Variants in ZNF680 observed in about 807,000 individuals in gnomAD.
The protein encoded by ZNF680 is zinc finger protein 680.
In ZNF680, 6 loss-of-function variants were observed where a neutral mutation model predicts 12.1. The ratio of observed to expected loss-of-function variants is 0.49; its 90% CI spans 0.27 to 0.98. The LOEUF is 0.98. ZNF680 is among the 50% of genes least tolerant of loss of function. The pLI, the probability that ZNF680 is intolerant of heterozygous loss-of-function variation, is 0.12. For missense variants in ZNF680, 561 were observed against 616.3 expected, an observed-to-expected ratio of 0.91 and a Z score of 0.95; for synonymous variants, 170 against 199.3, an observed-to-expected ratio of 0.85 and a Z score of 1.24.
intron 3 of ZNF680, chr7:64,526,262 G>T: frequency 8.8e-7 from 1 of 1,131,116 alleles, no homozygotes. Context: ...AAATTTTGAT[G>T]CAGTAATAAA....
intron 1 of ZNF680, among the ~76,000 whole-genome samples, chr7:64,553,936 A>T (rs1787233150): frequency 6.6e-6 from 1 of 152,022 alleles, no homozygotes; most frequent in Non-Finnish European, 1.5e-5. Flanking sequence ...GGCTCGCTAC[A>T]ACCTCCACCT....
At chr7:64,526,257 T>G in intron 3 of ZNF680, 1 of 1,127,998 alleles carries the variant, frequency 8.9e-7, no homozygotes, top group Non-Finnish European at 1.1e-6. Flanking sequence ...TTCCCAAATT[T>G]TGATGCAGTA....
intron 1 of ZNF680, among the ~76,000 whole-genome samples, chr7:64,549,772 G>C (rs1786973245): frequency 6.6e-6 from 1 of 152,072 alleles, no homozygotes; most frequent in Non-Finnish European, 1.5e-5. Context: ...CCTGAGGTCA[G>C]GAGTTTGAGA....
chr7:64,500,864 A>G, the ZNF680 span: 8 of 519,206 alleles, frequency 1.5e-5, no homozygotes, highest in African/African-American at 1.4e-4. Context: ...TCCTCGCTCC[A>G]TGAACTCCCA....
At chr7:64,547,530 T>G (rs919288545) in intron 1 of ZNF680, among the ~76,000 whole-genome samples, 2 of 152,218 alleles carry the variant, frequency 1.3e-5, no homozygotes, top group African/African-American at 4.8e-5. Context: ...CATTATTTGA[T>G]TTAATCCTCA....
chr7:64,524,556 G>A (rs1456273063), intron 3 of ZNF680: 1 of 152,128 alleles, frequency 6.6e-6, no homozygotes, highest in Non-Finnish European at 1.5e-5. Context: ...CAGAATGAAA[G>A]AAACACATAC....
intron 3 of ZNF680, among the ~76,000 whole-genome samples, chr7:64,527,903 C>T (rs1036659034): frequency 3.3e-5 from 5 of 152,156 alleles, no homozygotes; most frequent in African/African-American, 4.8e-5. Flanking sequence ...AATCAGGAAA[C>T]CTGAAATGAC....
At chr7:64,558,528 A>G (rs1584413717) in intron 1 of ZNF680, among the ~76,000 whole-genome samples, 2 of 152,128 alleles carry the variant, frequency 1.3e-5, no homozygotes, top group Admixed American at 6.6e-5. Flanking sequence ...CACCCCAGCC[A>G]TGGAAGAAGC....
At chr7:64,503,452 C>A in the ZNF680 span, among the ~76,000 whole-genome samples, 4 of 138,080 alleles carry the variant, frequency 2.9e-5, no homozygotes, top group Non-Finnish European at 6.0e-5. Flanking sequence ...ACGATTTCGG[C>A]TCACTGTAAC....
chr7:64,541,177 A>C (rs771996651), intron 3 of ZNF680, among the ~76,000 whole-genome samples: 12 of 152,168 alleles, frequency 7.9e-5, no homozygotes, highest in Admixed American at 1.3e-4. Flanking sequence ...AGTGGGTGAA[A>C]ATCCTGTAAT....
At chr7:64,503,682 C>T in the ZNF680 span, among the ~76,000 whole-genome samples, 7 of 152,162 alleles carry the variant, frequency 4.6e-5, no homozygotes, top group African/African-American at 1.7e-4. Context: ...ACCTGGCCAT[C>T]TGTGAGTCTT....
the ZNF680 span, among the ~76,000 whole-genome samples, chr7:64,512,325 C>A: frequency 6.6e-6 from 1 of 151,216 alleles, no homozygotes; most frequent in Non-Finnish European, 1.5e-5. Context: ...TGGTGGCGTG[C>A]GCCTGTAGTC....
At chr7:64,544,615 A>G (rs1786686361) in intron 1 of ZNF680, among the ~76,000 whole-genome samples, 183 bp from the exon 2 acceptor site, 1 of 152,224 alleles carries the variant, frequency 6.6e-6, no homozygotes, top group Admixed American at 6.5e-5. Context: ...ATTCTCTAAT[A>G]TATTCTTTAA....
At chr7:64,512,266 G>A in the ZNF680 span, among the ~76,000 whole-genome samples, 32 of 151,300 alleles carry the variant, frequency 2.1e-4, no homozygotes, top group Non-Finnish European at 4.4e-4. Flanking sequence ...TGGCCAAGAT[G>A]GTGAAACCCC....
At position 64,544,489 on chromosome 7, in the gene ZNF680, G is replaced by A. The variant is rs576376933; in HGVS notation, c.31-57C>T. On this transcript the variant is annotated intron_variant, in intron 1 of 3. Transcript: ENST00000309683. ...ACACACACTTATATATTTACTAAAT[G>A]ACCATGGGCAGAATTTTTATTTTGG... is the stretch of plus-strand genomic sequence containing the variant. The A allele has an allele frequency of 5.6e-5, 88 of 1,557,684 alleles. 1 individual carries two copies. Among genetic ancestry groups the A allele is most frequent in the Non-Finnish European group, 7.7e-5 (88 of 1,150,116 alleles).
rs1268859015 is a variant in ZNF680 at position 64,522,422 on chromosome 7, C to A, written c.332G>T (p.Gly111Val). ...ATTCTCATGTCCACATTTTCCATAT[C>A]CTCTCAGTATCACTTTTTGAAAAGA... is the stretch of plus-strand genomic sequence containing the variant. ...KDSFQKVILR[G>V]YGKCGHENLQ... The change falls in exon 4 of 4, where the codon GGA becomes GTA. Residue 111 changes from glycine to valine, a missense_variant. Transcript: ENST00000309683. 1.2e-6 allele frequency: 2 copies of A among 1,608,452 alleles called. No homozygotes were observed. Among genetic ancestry groups the A allele is most frequent in the Non-Finnish European group, 1.7e-6 (2 of 1,177,834 alleles).
chr7:64,505,682 C>T, the ZNF680 span, among the ~76,000 whole-genome samples: 1 of 152,164 alleles, frequency 6.6e-6, no homozygotes, highest in Non-Finnish European at 1.5e-5. Context: ...GTTTCTTCCT[C>T]CCATTGACGT....
At chr7:64,509,676 G>C in the ZNF680 span, among the ~76,000 whole-genome samples, 19 of 152,176 alleles carry the variant, frequency 1.2e-4, no homozygotes, top group Non-Finnish European at 2.6e-4. Context: ...GAGCCTTTTG[G>C]GCTGAGTGGG....
At chr7:64,547,136 C>A (rs1786828999) in intron 1 of ZNF680, among the ~76,000 whole-genome samples, 1 of 148,784 alleles carries the variant, frequency 6.7e-6, no homozygotes, top group African/African-American at 2.5e-5. Flanking sequence ...GCTTATAAAT[C>A]ACTTGATAAT....
Sources: allele counts gnomAD v4.1 joint callset (sites outside exome capture counted in the v4.1 genomes callset), GRCh38; gene constraint gnomAD v4.1.1; transcripts MANE v1.5; gene names NCBI Gene and HGNC (gene_info 2026-07-23, HGNC 2026-07-21).